CD226: variants seen among roughly 807,000 people sequenced by gnomAD.
The protein encoded by CD226 is CD226 antigen.
Under a neutral mutation model 34.9 loss-of-function variants are expected in CD226, and 24 were observed. The ratio of observed to expected loss-of-function variants is 0.69; its 90% CI spans 0.50 to 0.97. The LOEUF (loss-of-function observed/expected upper bound fraction) is 0.97, where lower values mean the gene tolerates loss of function less well. Ranked by LOEUF, CD226 falls within the 50% of genes least tolerant of loss-of-function variation. The probability of loss-of-function intolerance (pLI) is 0.00; values close to 1 mark genes in which losing one functional copy is unlikely to be tolerated. For synonymous variants in CD226, 148 were observed against 147.4 expected, an observed-to-expected ratio of 1.00 and a Z score of -0.03; for missense variants, 397 against 412.7, an observed-to-expected ratio of 0.96 and a Z score of 0.33.
Position 69,861,873 on chromosome 18 carries a change from C to T in CD226, c.*2441G>A, listed in dbSNP as rs1982848515. 1 of 152,022 alleles carries T rather than the reference C, an allele frequency of 6.6e-6. No homozygotes were observed. The highest frequency in any genetic ancestry group is 6.6e-5 in the Admixed American group (1 of 15,258). 9.4% of individuals were successfully genotyped at this position (152,022 alleles called of 1,614,324 possible). A position where few individuals can be genotyped will look rare whatever the true frequency, so the allele number is the denominator to read the frequency against. On this transcript the variant is annotated 3_prime_UTR_variant, in exon 6 of 6. Transcript: ENST00000582621. ...GAATGGAATTTCACAAGCATTACCC[C>T]TGAGGGTATAACAGGAGCATCAGAA...
chr18:69,883,623 A>C (rs1364600582), intron 3 of CD226, among the ~76,000 whole-genome samples: 1 of 152,256 alleles, frequency 6.6e-6, no homozygotes, highest in Non-Finnish European at 1.5e-5. Flanking sequence ...AACTTGGTAC[A>C]TAAAAGGAAT....
At chr18:69,918,581 A>G (rs2055413938) in intron 2 of CD226, among the ~76,000 whole-genome samples, 1 of 152,152 alleles carries the variant, frequency 6.6e-6, no homozygotes, top group Non-Finnish European at 1.5e-5. Flanking sequence ...ATTAAAAAGC[A>G]GCTATTAAGG....
chr18:69,954,385 G>A (rs1006204055), intron 1 of CD226, among the ~76,000 whole-genome samples: 1 of 152,222 alleles, frequency 6.6e-6, no homozygotes, highest in Non-Finnish European at 1.5e-5. Context: ...AAATCATTAT[G>A]TGCTTATTAA....
At chr18:69,898,127 T>A (rs1985406327) in intron 2 of CD226, among the ~76,000 whole-genome samples, 1 of 151,384 alleles carries the variant, frequency 6.6e-6, no homozygotes, top group Non-Finnish European at 1.5e-5. Context: ...AAGGAAGACG[T>A]GAGAAAAGAA....
exon 1 of CD226, chr18:69,956,813 A>G (rs2055901716): frequency 6.6e-6 from 1 of 152,174 alleles, no homozygotes; most frequent in South Asian, 2.1e-4. Context: ...TTGGTTAAGG[A>G]CTTTTATCGT....
intron 2 of CD226, among the ~76,000 whole-genome samples, chr18:69,929,116 A>G (rs1001125794): frequency 6.6e-6 from 1 of 152,210 alleles, no homozygotes; most frequent in Non-Finnish European, 1.5e-5. Context: ...ACTCAGGAAT[A>G]TATTATTTAC....
At chr18:69,882,437 G>T (rs1275007590) in intron 3 of CD226, among the ~76,000 whole-genome samples, 1 of 152,136 alleles carries the variant, frequency 6.6e-6, no homozygotes, top group Non-Finnish European at 1.5e-5. Context: ...AGTACTGTGG[G>T]CCATAAGTTC....
rs752893987 is a variant in CD226 at position 69,862,464 on chromosome 18, C to T, written c.*1850G>A. On this transcript the variant is annotated 3_prime_UTR_variant, in exon 6 of 6. Coordinates refer to ENST00000582621, the MANE Select transcript of CD226 (RefSeq NM_001303618.2). ...TGTAAACTGCCTTTCAAGTTTGTTA[C>T]ACTAATATATTTGTGGAAACATTTC... The T allele has an allele frequency of 2.0e-5, 3 of 152,076 alleles. No homozygotes were observed. Among genetic ancestry groups the T allele is most frequent in the Non-Finnish European group, 2.9e-5 (2 of 67,994 alleles). The allele number at this position is 152,076 out of a possible 1,614,324, so 9.4% of individuals were successfully genotyped here.
intron 1 of CD226, among the ~76,000 whole-genome samples, chr18:69,956,183 G>A (rs2055896027): frequency 2.0e-5 from 3 of 152,254 alleles, no homozygotes; most frequent in Non-Finnish European, 4.4e-5. Context: ...TTTGGTTGGA[G>A]ACAGCCATGC....
At chr18:69,917,697 T>G (rs373876361) in intron 2 of CD226, among the ~76,000 whole-genome samples, 10 of 152,324 alleles carry the variant, frequency 6.6e-5, no homozygotes, top group African/African-American at 2.4e-4. Flanking sequence ...GGTGCTTTCG[T>G]CTATCATTGT....
chr18:69,957,508 G>T (rs192375805), upstream of CD226, among the ~76,000 whole-genome samples: 14 of 152,182 alleles, frequency 9.2e-5, no homozygotes, highest in East Asian at 2.3e-3. Flanking sequence ...TGATTCCTTT[G>T]ATTTATTAGG....
upstream of CD226, among the ~76,000 whole-genome samples, chr18:69,960,474 G>C (rs1431347407): frequency 6.6e-6 from 1 of 152,146 alleles, no homozygotes. Context: ...TGTTGAGATG[G>C]AGGCTTGCTC....
chr18:69,888,452 T>C (rs1478310428), intron 3 of CD226, among the ~76,000 whole-genome samples: 6 of 141,520 alleles, frequency 4.2e-5, no homozygotes, highest in African/African-American at 1.6e-4. Flanking sequence ...AGGTTCTGGC[T>C]CTGTTGCCCA....
At chr18:69,952,856 G>A (rs1270697672), upstream of CD226, among the ~76,000 whole-genome samples, 2 of 152,130 alleles carry the variant, frequency 1.3e-5, no homozygotes, top group African/African-American at 2.4e-5. Flanking sequence ...TCTGATTATG[G>A]TCTAATATCC....
In CD226 at chr18:69,870,274, T is replaced by C. The variant is rs979301029; in HGVS notation, c.831-2863A>G. Among the ~76,000 whole-genome samples the C allele has an allele frequency of 5.0e-3, 713 of 142,666 alleles. 20 individuals carry two copies. In the East Asian group the frequency reaches 0.079, roughly 16 times the overall value. The allele number at this position is 142,666 out of a possible 152,430, so 93.6% of individuals were successfully genotyped here. A position where few individuals can be genotyped will look rare whatever the true frequency, so the allele number is the denominator to read the frequency against. ...TATAGAACACAGTTTGGCTCCCCCT[T>C]TTTTTTTTTTTTTTTTTTGAGACAG... On this transcript the variant is annotated intron_variant, in intron 4 of 5. Coordinates refer to ENST00000582621, the MANE Select transcript of CD226 (RefSeq NM_001303618.2).
At chr18:69,951,254 G>A (rs969566820), upstream of CD226, among the ~76,000 whole-genome samples, 9 of 152,050 alleles carry the variant, frequency 5.9e-5, no homozygotes, top group East Asian at 1.9e-4. Flanking sequence ...TTGGGAGTAC[G>A]GGCATGATCC....
At position 69,859,554 on chromosome 18, in the gene CD226, A is replaced by G. The variant is rs1403044528; in HGVS notation, c.*4760T>C. 2 of 143,644 alleles carry G rather than the reference A, an allele frequency of 1.4e-5. No homozygotes were observed. Among genetic ancestry groups the G allele is most frequent in the African/African-American group, 4.9e-5 (2 of 40,898 alleles). 8.9% of individuals were successfully genotyped at this position (143,644 alleles called of 1,614,324 possible). On this transcript the variant is annotated 3_prime_UTR_variant, in exon 6 of 6. Coordinates refer to ENST00000582621, the MANE Select transcript of CD226 (RefSeq NM_001303618.2). ...TGGGGAGAGAAAGACATCTAAATGA[A>G]TAATGAATGTCTAAAATTGAAAAAA...
At chr18:69,901,110 A>G (rs2055177056) in intron 2 of CD226, among the ~76,000 whole-genome samples, 1 of 152,146 alleles carries the variant, frequency 6.6e-6, no homozygotes, top group Non-Finnish European at 1.5e-5. Context: ...ATCAAATGCC[A>G]CCATGGGAAA....
chr18:69,957,517 G>A (rs2055907820), upstream of CD226, among the ~76,000 whole-genome samples: 1 of 152,112 alleles, frequency 6.6e-6, no homozygotes, highest in Non-Finnish European at 1.5e-5. Context: ...TGATTTATTA[G>A]GTTATGGAGG....
Sources: allele counts gnomAD v4.1 joint callset (sites outside exome capture counted in the v4.1 genomes callset), GRCh38; gene constraint gnomAD v4.1.1; transcripts MANE v1.5; gene names NCBI Gene and HGNC (gene_info 2026-07-23, HGNC 2026-07-21).